Variants in DPP10 observed in about 807,000 individuals in gnomAD.
The protein encoded by DPP10 is inactive dipeptidyl peptidase 10.
Under a neutral mutation model 120.9 loss-of-function variants are expected in DPP10, and 33 were observed. The observed-to-expected ratio is 0.27, with a 90% CI of 0.21 to 0.37. DPP10 has a LOEUF of 0.37. Among genes scored for constraint, DPP10 ranks in the 10% least tolerant of loss-of-function variants. DPP10 has a pLI of 1.00. For synonymous variants in DPP10, 337 were observed against 326.1 expected (o/e 1.03, Z -0.36); for missense variants, 816 against 942.8 (o/e 0.87, Z 1.76).
chr2:115,460,487 G>T (rs2073924113), intron 3 of DPP10, among the ~76,000 whole-genome samples: 2 of 152,220 alleles, frequency 1.3e-5, no homozygotes, highest in South Asian at 4.1e-4. Flanking sequence ...TTTCTTGTAG[G>T]AGTTTGAAAA....
At chr2:115,533,291 C>A (rs1047711815) in intron 5 of DPP10, among the ~76,000 whole-genome samples, 6 of 152,008 alleles carry the variant, frequency 3.9e-5, no homozygotes, top group Non-Finnish European at 8.8e-5. Context: ...TCCTTTAAAT[C>A]GTGTCTACTA....
chr2:115,187,227 G>A (rs2054527532), intron 1 of DPP10, among the ~76,000 whole-genome samples: 1 of 149,712 alleles, frequency 6.7e-6, no homozygotes, highest in Non-Finnish European at 1.5e-5. Context: ...TAGTAGAGAC[G>A]GGGTTTCACC....
At chr2:114,681,222 A>G (rs1164640320) in intron 1 of DPP10, among the ~76,000 whole-genome samples, 14 of 151,980 alleles carry the variant, frequency 9.2e-5, no homozygotes, top group Admixed American at 9.2e-4. Flanking sequence ...AAACACCATC[A>G]TGCCATACAG....
chr2:114,597,119 A>G (rs1182753971), intron 1 of DPP10, among the ~76,000 whole-genome samples: 1 of 152,044 alleles, frequency 6.6e-6, no homozygotes, highest in East Asian at 1.9e-4. Context: ...GTGCTTCAGG[A>G]TGCTCACTGG....
At position 115,014,866 on chromosome 2, in the gene DPP10, A is replaced by AAG. The variant is rs1420329744; in HGVS notation, c.61-294372_61-294371insGA. On this transcript the variant is annotated intron_variant, in intron 1 of 25. Transcript: ENST00000410059. ...AATAATTAATAGCCTACCAACCAAA[A>AAG]AAAAAAAAAAAAAGCATGGGATGAG... 4.0e-3 allele frequency among the ~76,000 whole-genome samples: 599 copies of AAG among 150,912 alleles called. 3 individuals carry two copies. The highest frequency in any genetic ancestry group is 0.014 in the African/African-American group (571 of 41,324).
intron 1 of DPP10, among the ~76,000 whole-genome samples, chr2:114,445,109 C>T (rs1037661919): frequency 6.6e-6 from 1 of 152,108 alleles, no homozygotes; most frequent in Non-Finnish European, 1.5e-5. Flanking sequence ...AGCTGTGGGA[C>T]ATTGGAGCTC....
intron 1 of DPP10, among the ~76,000 whole-genome samples, chr2:115,160,728 G>C (rs754738809): frequency 2.6e-5 from 4 of 152,206 alleles, no homozygotes; most frequent in Non-Finnish European, 5.9e-5. Context: ...GCATCTGGAT[G>C]AACTGTGGAC....
At chr2:114,781,085 G>A (rs1180536827) in intron 1 of DPP10, among the ~76,000 whole-genome samples, 1 of 152,044 alleles carries the variant, frequency 6.6e-6, no homozygotes, top group Non-Finnish European at 1.5e-5. Context: ...AGTCCGATGT[G>A]CTTGTAGTTA....
intron 1 of DPP10, among the ~76,000 whole-genome samples, chr2:115,256,216 G>T (rs1056508963): frequency 6.6e-6 from 1 of 152,170 alleles, no homozygotes; most frequent in African/African-American, 2.4e-5. Flanking sequence ...GCAAGGAGAA[G>T]TGCCAAGCAA....
chr2:115,745,677 C>T (rs1559103137), intron 9 of DPP10, among the ~76,000 whole-genome samples: 1 of 149,656 alleles, frequency 6.7e-6, no homozygotes, highest in East Asian at 1.9e-4. Context: ...CTTCATTTCT[C>T]CTCTTTTTTT....
At chr2:114,764,846 G>A (rs1680574637) in intron 1 of DPP10, among the ~76,000 whole-genome samples, 1 of 152,120 alleles carries the variant, frequency 6.6e-6, no homozygotes, top group Admixed American at 6.6e-5. Flanking sequence ...ATTTATGAAT[G>A]CAATTTTAGA....
At chr2:114,982,812 G>C (rs899410392) in intron 1 of DPP10, among the ~76,000 whole-genome samples, 1 of 150,044 alleles carries the variant, frequency 6.7e-6, no homozygotes, top group East Asian at 2.0e-4. Context: ...TCGCCATGTT[G>C]CCCAGGCTGG....
intron 10 of DPP10, among the ~76,000 whole-genome samples, chr2:115,747,178 C>A (rs1678087351): frequency 6.6e-6 from 1 of 152,108 alleles, no homozygotes; most frequent in African/African-American, 2.4e-5. Context: ...AGATAAATCC[C>A]AGTGAGAGTA....
At position 115,827,304 on chromosome 2, in the gene DPP10, TATATAC is replaced by T. The variant is rs1172519149; in HGVS notation, c.1951-8851_1951-8846del. Among the ~76,000 whole-genome samples the T allele has an allele frequency of 4.1e-5, 6 of 146,196 alleles. No individual in the cohort carries two copies. In the East Asian group the frequency reaches 1.2e-3, roughly 29 times the overall value. On this transcript the variant is annotated intron_variant, in intron 21 of 25. Transcript: ENST00000410059. ...ACACATACATATATACACATACATA[TATATAC>T]ACATGTACATGTATATGTATATGTA...
chr2:115,538,964 A>G (rs1269808057), intron 5 of DPP10, among the ~76,000 whole-genome samples: 1 of 152,016 alleles, frequency 6.6e-6, no homozygotes, highest in Non-Finnish European at 1.5e-5. Flanking sequence ...TAAATAAAAT[A>G]TATTAGTAAT....
intron 1 of DPP10, among the ~76,000 whole-genome samples, chr2:114,824,880 A>C (rs1686394372): frequency 6.6e-6 from 1 of 152,186 alleles, no homozygotes; most frequent in African/African-American, 2.4e-5. Context: ...TAACAGAGAT[A>C]CTGTTGTAGG....
chr2:114,780,474 A>G lies in DPP10; in HGVS notation c.60+337636A>G, dbSNP rs139764175. On this transcript the variant is annotated intron_variant, in intron 1 of 25. Coordinates refer to ENST00000410059, the MANE Select transcript of DPP10 (RefSeq NM_020868.6). ...AATCATTATTTTAATTCTTTAGGGTACTGGAAGGAATTTAGGTTCAAGATA... is the reference window on the plus strand; with the variant it reads ...AATCATTATTTTAATTCTTTAGGGTGCTGGAAGGAATTTAGGTTCAAGATA... 3.6e-3 allele frequency among the ~76,000 whole-genome samples: 551 copies of G among 152,224 alleles called. 5 individuals carry two copies. The highest frequency in any genetic ancestry group is 0.013 in the African/African-American group (521 of 41,562).
intron 1 of DPP10, among the ~76,000 whole-genome samples, chr2:114,457,298 A>G (rs1678635740): frequency 6.6e-6 from 1 of 152,142 alleles, no homozygotes; most frequent in Non-Finnish European, 1.5e-5. Context: ...TGTCACTGGC[A>G]TCGTAGGATG....
At chr2:115,603,670 T>G (rs6542272) in intron 5 of DPP10, among the ~76,000 whole-genome samples, 149,374 of 151,154 alleles carry the variant, frequency 0.99, 73,835 homozygotes, top group East Asian at 1. Context: ...CGCTGACATA[T>G]TTTAAAAGCA....
Sources: gnomAD v4.1 joint callset for allele counts (sites outside exome capture counted in the v4.1 genomes callset) on GRCh38, gnomAD v4.1.1 for gene constraint, MANE v1.5 for transcripts, NCBI Gene and HGNC (gene_info 2026-07-23, HGNC 2026-07-21) for gene names.